The following MYO3A variants were observed in gnomAD, a reference collection of about 807,000 sequenced individuals.
MYO3A encodes myosin IIIA.
MYO3A carries 180 observed loss-of-function variants against 192.7 expected under a neutral mutation model. The ratio of observed to expected loss-of-function variants is 0.93; its 90% confidence interval spans 0.83 to 1.06. The LOEUF (loss-of-function observed/expected upper bound fraction) is 1.06. Among genes scored for constraint, MYO3A ranks in the 50% least tolerant of loss-of-function variants. The pLI is 0.00. For synonymous variants in MYO3A, 628 were observed against 645.3 expected (o/e 0.97, Z 0.41); for missense variants, 1,896 against 1,905.0 (o/e 1.00, Z 0.09).
At chr10:26,094,475 A>G (rs532376328) in intron 15 of MYO3A, among the ~76,000 whole-genome samples, 1 of 125,526 alleles carries the variant, frequency 8.0e-6, no homozygotes, top group Admixed American at 1.1e-4. Context: ...CCCAGGCTGG[A>G]GTGCAGTGGC....
At chr10:26,198,648 G>A (rs772589516) in intron 32 of MYO3A, among the ~76,000 whole-genome samples, 67 of 152,262 alleles carry the variant, frequency 4.4e-4, no homozygotes, top group African/African-American at 1.0e-3. Flanking sequence ...GAATTTTAAC[G>A]TTTTGTCATA....
intron 10 of MYO3A, among the ~76,000 whole-genome samples, chr10:26,057,006 A>G (rs551684262): frequency 1.4e-4 from 21 of 152,326 alleles, no homozygotes; most frequent in African/African-American, 5.1e-4. Context: ...GAGAATTTCA[A>G]GACAGTAGAT....
chr10:25,963,379 C>G (rs1045127181), intron 4 of MYO3A, among the ~76,000 whole-genome samples: 24 of 152,060 alleles, frequency 1.6e-4, no homozygotes, highest in African/African-American at 5.6e-4. Context: ...TAATATCAGG[C>G]CTGCCTTGAG....
chr10:26,032,878 T>C (rs1842865501), intron 10 of MYO3A, among the ~76,000 whole-genome samples: 1 of 152,224 alleles, frequency 6.6e-6, no homozygotes, highest in Non-Finnish European at 1.5e-5. Flanking sequence ...TATGTCATGT[T>C]GAGAATTATT....
chr10:26,147,695 T>A, intron 23 of MYO3A, 136 bp downstream of exon 23: 1 of 1,291,072 alleles, frequency 7.7e-7, no homozygotes, highest in Non-Finnish European at 1.1e-6. Context: ...TTTGTTAATA[T>A]CCTCTGCCCC....
chr10:26,045,456 C>T (rs1843590582), intron 10 of MYO3A, among the ~76,000 whole-genome samples: 1 of 152,146 alleles, frequency 6.6e-6, no homozygotes, highest in African/African-American at 2.4e-5. Flanking sequence ...ACACATAACA[C>T]AGTTCCTGGT....
intron 17 of MYO3A, among the ~76,000 whole-genome samples, chr10:26,102,241 G>A (rs1056039403): frequency 6.6e-5 from 10 of 152,134 alleles, no homozygotes; most frequent in African/African-American, 2.2e-4. Context: ...ATGGTTTTCA[G>A]CTCCATCAGA....
chr10:26,074,767 GC>G (rs1316339044), intron 14 of MYO3A, among the ~76,000 whole-genome samples: 10 of 151,322 alleles, frequency 6.6e-5, no homozygotes, highest in African/African-American at 2.4e-4. Flanking sequence ...TTCTTTCTTT[GC>G]TTTTTTTGCA....
chr10:26,118,187 T>G (rs997471147), intron 17 of MYO3A, among the ~76,000 whole-genome samples: 1 of 146,448 alleles, frequency 6.8e-6, no homozygotes, highest in African/African-American at 2.5e-5. Context: ...TTTAATAGGG[T>G]TTTTTTTTTC....
chr10:26,077,896 A>G (rs1835690257), intron 14 of MYO3A, among the ~76,000 whole-genome samples: 1 of 152,040 alleles, frequency 6.6e-6, no homozygotes, highest in Admixed American at 6.6e-5. Context: ...GGACTCAGTT[A>G]GCTAGTATTT....
At chr10:26,113,520 G>A (rs921134109) in intron 17 of MYO3A, among the ~76,000 whole-genome samples, 20 of 151,264 alleles carry the variant, frequency 1.3e-4, no homozygotes, top group African/African-American at 4.1e-4. Context: ...AGAATGGAAA[G>A]GGTGTGTGTA....
chr10:26,069,125 G>A (rs1241604321), intron 12 of MYO3A, among the ~76,000 whole-genome samples: 2 of 152,072 alleles, frequency 1.3e-5, no homozygotes, highest in African/African-American at 2.4e-5. Flanking sequence ...TATTGGTAAC[G>A]GCTCTACATT....
At chr10:26,195,687 C>T (rs1843375004) in intron 32 of MYO3A, among the ~76,000 whole-genome samples, 1 of 152,188 alleles carries the variant, frequency 6.6e-6, no homozygotes, top group African/African-American at 2.4e-5. Flanking sequence ...TTGGACATGC[C>T]CTTTTCTCAG....
At chr10:26,195,351 C>T (rs1196072167) in intron 32 of MYO3A, among the ~76,000 whole-genome samples, 1 of 152,220 alleles carries the variant, frequency 6.6e-6, no homozygotes, top group Non-Finnish European at 1.5e-5. Context: ...TCTTCCAGGC[C>T]AGCATGTCTT....
chr10:25,944,723 T>C (rs1220046282), intron 2 of MYO3A, among the ~76,000 whole-genome samples: 1 of 152,068 alleles, frequency 6.6e-6, no homozygotes, highest in African/African-American at 2.4e-5. Flanking sequence ...TTATAATCAT[T>C]TTTAATTCTC....
intron 29 of MYO3A, among the ~76,000 whole-genome samples, chr10:26,171,174 G>A (rs1211795887): frequency 3.3e-5 from 5 of 152,134 alleles, no homozygotes; most frequent in African/African-American, 1.2e-4. Flanking sequence ...CCCTGCCTTG[G>A]TTGGTAGTGG....
In MYO3A at chr10:26,068,824, T is replaced by C. The variant is rs780081608; in HGVS notation, c.1110T>C (p.Tyr370=). Reference sequence around the variant, plus strand: ...ATTCCAGAGATCAGATCTACGTCTATGTGGGAGACATACTCATTGCTCTTA... The same window carrying C: ...ATTCCAGAGATCAGATCTACGTCTACGTGGGAGACATACTCATTGCTCTTA... ...KCYSRDQIYV[Y]VGDILIALNP... Residue 370 remains tyrosine, a synonymous_variant, in exon 12 of 35, where the codon TAT becomes TAC. Coordinates refer to ENST00000642920, the MANE Select transcript of MYO3A (RefSeq NM_017433.5). 6.2e-7 allele frequency: 1 copy of C among 1,601,130 alleles called. No individual in the cohort carries two copies. The highest frequency in any genetic ancestry group is 1.7e-5 in the Admixed American group (1 of 59,986).
intron 17 of MYO3A, among the ~76,000 whole-genome samples, chr10:26,100,346 C>G (rs192265754): frequency 6.6e-6 from 1 of 152,100 alleles, no homozygotes; most frequent in East Asian, 1.9e-4. Context: ...TTAATCTTTT[C>G]AAAAACCAGC....
At chr10:26,032,900 A>G (rs1242842735) in intron 10 of MYO3A, among the ~76,000 whole-genome samples, 1 of 152,182 alleles carries the variant, frequency 6.6e-6, no homozygotes, top group Non-Finnish European at 1.5e-5. Context: ...ACCCTTTGGA[A>G]CATATACGCT....
Sources: allele counts gnomAD v4.1 joint callset (sites outside exome capture counted in the v4.1 genomes callset), GRCh38; gene constraint gnomAD v4.1.1; transcripts MANE v1.5; gene names NCBI Gene and HGNC (gene_info 2026-07-23, HGNC 2026-07-21).